Variants in EFNA5 observed in about 807,000 individuals in gnomAD.
EFNA5 encodes the protein ephrin A5.
Under a neutral mutation model 22.9 loss-of-function variants are expected in EFNA5, and 5 were observed. The ratio of observed to expected loss-of-function variants is 0.22; its 90% CI spans 0.11 to 0.46. The LOEUF (loss-of-function observed/expected upper bound fraction) is 0.46, where lower values mean the gene tolerates loss of function less well. Ranked by LOEUF, EFNA5 falls within the 20% of genes least tolerant of loss-of-function variation. The pLI is 0.99. For missense variants in EFNA5, 237 were observed against 293.3 expected, an observed-to-expected ratio of 0.81 and a Z score of 1.40; for synonymous variants, 113 against 112.2, an observed-to-expected ratio of 1.01 and a Z score of -0.04.
At chr5:107,425,888 A>G (rs1748799135) in intron 2 of EFNA5, among the ~76,000 whole-genome samples, 1 of 152,152 alleles carries the variant, frequency 6.6e-6, no homozygotes, top group Admixed American at 6.6e-5. Context: ...GAGTCAGAAA[A>G]AAGAATGTTC....
At chr5:107,514,009 G>A (rs1257705538) in intron 1 of EFNA5, among the ~76,000 whole-genome samples, 1 of 152,090 alleles carries the variant, frequency 6.6e-6, no homozygotes, top group Non-Finnish European at 1.5e-5. Flanking sequence ...GGACCACGGG[G>A]GTAGAAATAA....
intron 1 of EFNA5, among the ~76,000 whole-genome samples, chr5:107,450,068 G>A (rs1190903075): frequency 3.3e-5 from 5 of 152,146 alleles, no homozygotes; most frequent in Non-Finnish European, 4.4e-5. Context: ...CAAACGATGG[G>A]TTATTTTTGC....
intron 2 of EFNA5, among the ~76,000 whole-genome samples, chr5:107,398,431 C>T (rs1747986717): frequency 6.6e-6 from 1 of 152,098 alleles, no homozygotes; most frequent in Admixed American, 6.6e-5. Flanking sequence ...TTGCAAATTC[C>T]CCCAAAGGCA....
intron 1 of EFNA5, among the ~76,000 whole-genome samples, chr5:107,585,874 T>C (rs1483347398): frequency 6.6e-6 from 1 of 152,198 alleles, no homozygotes; most frequent in African/African-American, 2.4e-5. Context: ...TATTATATGG[T>C]ATAAAGTAAA....
At chr5:107,494,276 G>A (rs1400234050) in intron 1 of EFNA5, among the ~76,000 whole-genome samples, 2 of 152,188 alleles carry the variant, frequency 1.3e-5, no homozygotes, top group African/African-American at 2.4e-5. Flanking sequence ...GGCGGCTGCG[G>A]GCGGCGCTTG....
chr5:107,429,581 T>C (rs1748895169), intron 1 of EFNA5, among the ~76,000 whole-genome samples: 1 of 152,202 alleles, frequency 6.6e-6, no homozygotes, highest in Non-Finnish European at 1.5e-5. Context: ...TAGACCTAGA[T>C]TTAAGAACTG....
At chr5:107,591,260 T>G (rs1269666905) in intron 1 of EFNA5, among the ~76,000 whole-genome samples, 2 of 152,108 alleles carry the variant, frequency 1.3e-5, no homozygotes, top group African/African-American at 4.8e-5. Flanking sequence ...GGAGATGGCC[T>G]AAAAATTTAG....
intron 2 of EFNA5, among the ~76,000 whole-genome samples, chr5:107,410,077 G>A (rs916448914): frequency 6.9e-6 from 1 of 145,522 alleles, no homozygotes; most frequent in Non-Finnish European, 1.5e-5. Flanking sequence ...TGCCCAGGCT[G>A]GAGTGCAGCG....
chr5:107,379,990 GC>G lies in EFNA5; in HGVS notation c.*1264del, dbSNP rs1747394710. 6.6e-6 allele frequency: 1 copy of G among 151,988 alleles called. No homozygotes were observed. 9.4% of individuals were successfully genotyped at this position (151,988 alleles called of 1,614,324 possible). A position where few individuals can be genotyped will look rare whatever the true frequency, so the allele number is the denominator to read the frequency against. On this transcript the variant is annotated 3_prime_UTR_variant, in exon 5 of 5. Transcript: ENST00000333274. ...AACACATGTTCCCCCTACGCTTTAG[GC>G]TGTGTCAGAAAGGGAAAGAATATAA...
chr5:107,602,068 G>T (rs1210680896), intron 1 of EFNA5, among the ~76,000 whole-genome samples: 3 of 152,162 alleles, frequency 2.0e-5, no homozygotes, highest in Non-Finnish European at 4.4e-5. Context: ...TCTCGGGAAA[G>T]AGACGTGAGC....
intron 1 of EFNA5, among the ~76,000 whole-genome samples, chr5:107,535,811 C>T (rs1265162644): frequency 6.6e-6 from 1 of 152,112 alleles, no homozygotes; most frequent in African/African-American, 2.4e-5. Context: ...TCATTACTCC[C>T]AGTTAATATT....
At chr5:107,492,304 A>G (rs1746828079) in intron 1 of EFNA5, among the ~76,000 whole-genome samples, 1 of 152,250 alleles carries the variant, frequency 6.6e-6, no homozygotes, top group Non-Finnish European at 1.5e-5. Flanking sequence ...CAAAGATTTT[A>G]TATCTAAAAC....
intron 1 of EFNA5, among the ~76,000 whole-genome samples, chr5:107,531,688 A>G (rs1747813415): frequency 6.6e-6 from 1 of 152,178 alleles, no homozygotes; most frequent in African/African-American, 2.4e-5. Flanking sequence ...CCCCAACCTT[A>G]CAAATCTATC....
At chr5:107,614,578 C>T (rs1749877354) in intron 1 of EFNA5, among the ~76,000 whole-genome samples, 1 of 152,150 alleles carries the variant, frequency 6.6e-6, no homozygotes, top group African/African-American at 2.4e-5. Flanking sequence ...GAAGACAACA[C>T]ACACATACCA....
chr5:107,391,911 C>T (rs1180829595), intron 2 of EFNA5, among the ~76,000 whole-genome samples: 1 of 152,178 alleles, frequency 6.6e-6, no homozygotes, highest in Non-Finnish European at 1.5e-5. Context: ...TACTCTGTTC[C>T]ATGACCTCAG....
At position 107,488,837 on chromosome 5, in the gene EFNA5, G is replaced by A. The variant is rs192149834; in HGVS notation, c.126-61328C>T. On this transcript the variant is annotated intron_variant, in intron 1 of 4. Coordinates refer to ENST00000333274, the MANE Select transcript of EFNA5 (RefSeq NM_001962.3). ...CTCCCAAGTAGCTGGGATTACAGGC[G>A]AGTGCCACGACGCCTGGCTAATTTT... 2.3e-3 allele frequency among the ~76,000 whole-genome samples: 354 copies of A among 151,794 alleles called. 1 individual carries two copies. The highest frequency in any genetic ancestry group is 4.0e-3 in the Non-Finnish European group (274 of 67,916).
At chr5:107,382,600 GCCTCAA>G (rs1747500138) in intron 4 of EFNA5, among the ~76,000 whole-genome samples, 1 of 152,070 alleles carries the variant, frequency 6.6e-6, no homozygotes, top group African/African-American at 2.4e-5. Flanking sequence ...CTCAAACTCA[GCCTCAA>G]CCAACTTCCT....
intron 1 of EFNA5, among the ~76,000 whole-genome samples, chr5:107,496,155 T>C (rs1036782436): frequency 3.8e-4 from 51 of 133,782 alleles, no homozygotes; most frequent in African/African-American, 1.5e-3. Context: ...GTGAAACCCC[T>C]GTCTCTGCTA....
chr5:107,398,854 CAAA>C (rs1214380627), intron 2 of EFNA5, among the ~76,000 whole-genome samples: 710 of 64,976 alleles, frequency 0.011, 5 homozygotes, highest in African/African-American at 0.038. Context: ...GACACTGCCT[CAAA>C]AAAAAAAAAA....
Sources: allele counts gnomAD v4.1 joint callset (sites outside exome capture counted in the v4.1 genomes callset), GRCh38; gene constraint gnomAD v4.1.1; transcripts MANE v1.5; gene names NCBI Gene and HGNC (gene_info 2026-07-23, HGNC 2026-07-21).